Variants in CDC34 observed in about 807,000 individuals in gnomAD.
CDC34 encodes cell division cycle 34, ubiquitin conjugating enzyme.
Under a neutral mutation model 26.8 loss-of-function variants are expected in CDC34, and 18 were observed. That is an observed-to-expected ratio of 0.67 (90% CI 0.47 to 1.00). The LOEUF is 1.00. Ranked by LOEUF, CDC34 falls within the 50% of genes least tolerant of loss-of-function variation. CDC34 has a pLI of 0.00. For missense variants in CDC34, 280 were observed against 334.5 expected (o/e 0.84, Z 1.27); for synonymous variants, 178 against 147.5 (o/e 1.21, Z -1.50).
At chr19:533,552 C>T (rs12979110) in intron 1 of CDC34, among the ~76,000 whole-genome samples, 1 of 152,062 alleles carries the variant, frequency 6.6e-6, no homozygotes, top group African/African-American at 2.4e-5. Flanking sequence ...CCTCCGCCAG[C>T]CCCTTCTGTC....
In CDC34 at chr19:541,721, A is replaced by G; in HGVS notation, c.*169A>G. 2.9e-6 allele frequency: 2 copies of G among 692,000 alleles called. No individual in the cohort carries two copies. Among genetic ancestry groups the G allele is most frequent in the South Asian group, 5.6e-5 (2 of 35,622 alleles). 42.9% of individuals were successfully genotyped at this position (692,000 alleles called of 1,614,324 possible). On this transcript the variant is annotated 3_prime_UTR_variant, in exon 5 of 5. Coordinates refer to ENST00000215574, the MANE Select transcript of CDC34 (RefSeq NM_004359.2). The stretch of plus-strand genomic sequence containing the variant: ...TGTTCTGGGTTTTCACGTGCTTCAG[A>G]GAAGAGGGGCTGCCCCACCGCCACT...
At chr19:538,247 C>T (rs1236232678) in intron 4 of CDC34, among the ~76,000 whole-genome samples, 1 of 152,232 alleles carries the variant, frequency 6.6e-6, no homozygotes, top group African/African-American at 2.4e-5. Context: ...TCCCTGCAGG[C>T]TCTTGGCCTG....
intron 1 of CDC34, among the ~76,000 whole-genome samples, chr19:533,707 C>T (rs867740597): frequency 1.3e-5 from 2 of 152,348 alleles, no homozygotes; most frequent in Middle Eastern, 6.8e-3. Flanking sequence ...GGCAGAGCTT[C>T]CTGGGCCAGC....
At chr19:540,010 A>AG (rs1979939991) in intron 4 of CDC34, among the ~76,000 whole-genome samples, 1 of 78,164 alleles carries the variant, frequency 1.3e-5, no homozygotes, top group South Asian at 5.4e-4. Context: ...CCAGGCCCCC[A>AG]GGTTTAGAAT....
At chr19:537,418 T>A (rs1411688811) in intron 4 of CDC34, among the ~76,000 whole-genome samples, 1 of 152,116 alleles carries the variant, frequency 6.6e-6, no homozygotes, top group Non-Finnish European at 1.5e-5. Context: ...AGTGGCGCGA[T>A]CTCGGCTCAC....
rs999593335 is a variant in CDC34 at position 532,909 on chromosome 19, G to C, written c.177+801G>C. On this transcript the variant is annotated intron_variant, in intron 1 of 4. Transcript: ENST00000215574. ...AGCTCCGGGCTCGCTCATCCCAGCT[G>C]GTCTTGGCCTTTCTCAGAGTCCACT... Among the ~76,000 whole-genome samples, 8 of 152,334 alleles carry C rather than the reference G, an allele frequency of 5.3e-5. 1 individual carries two copies. The South Asian group carries it at 1.7e-3, about 32-fold the overall frequency.
chr19:537,136 A>G lies in CDC34; in HGVS notation c.486A>G (p.Thr162=). The G allele has an allele frequency of 1.9e-6, 3 of 1,613,426 alleles. No individual in the cohort carries two copies. The highest frequency in any genetic ancestry group is 2.2e-5 in the South Asian group (2 of 91,084). The change falls in exon 4 of 5, where the codon ACA becomes ACG. Residue 162 remains threonine, a synonymous_variant. Transcript: ENST00000215574. ...KESKGKDREY[T]DIIRKQVLGT... Reference sequence around the variant, plus strand: ...GCAAGGGGAAGGATCGGGAGTACACAGACATCATCCGGTGAGGGCGGGCGG... The same window carrying G: ...GCAAGGGGAAGGATCGGGAGTACACGGACATCATCCGGTGAGGGCGGGCGG...
chr19:540,022 C>T (rs1472169163), intron 4 of CDC34, among the ~76,000 whole-genome samples: 2 of 146,302 alleles, frequency 1.4e-5, no homozygotes, highest in Non-Finnish European at 3.0e-5. Flanking sequence ...GTTTAGAATC[C>T]GGAGGCCGGG....
intron 4 of CDC34, 63 bp from the exon 5 acceptor site, chr19:541,276 G>A (rs754515437): frequency 1.4e-6 from 2 of 1,462,522 alleles, no homozygotes; most frequent in East Asian, 2.5e-5. Context: ...CTGGGGGAGG[G>A]GGGCCGGGCA....
chr19:541,507 C>T lies in CDC34; in HGVS notation c.666C>T (p.Ser222=), dbSNP rs1302173677. ...GCGAGGTGGAGGAGGAGGCCGACAG[C>T]TGCTTCGGGGACGATGAGGATGACT... ...EDGEVEEEAD[S]CFGDDEDDSG... is the part of the protein sequence containing the mutation. Residue 222 remains serine (S), a synonymous_variant, in exon 5 of 5, where the codon AGC becomes AGT. Coordinates refer to ENST00000215574, the MANE Select transcript of CDC34 (RefSeq NM_004359.2). 2.5e-6 allele frequency: 4 copies of T among 1,608,722 alleles called. No individual in the cohort carries two copies. In the African/African-American group the frequency reaches 4.0e-5, roughly 16 times the overall value.
At position 536,391 on chromosome 19, in the gene CDC34, CT is replaced by C; in HGVS notation, c.362+52del. On this transcript the variant is annotated intron_variant, in intron 3 of 4. Coordinates refer to ENST00000215574, the MANE Select transcript of CDC34 (RefSeq NM_004359.2). ...CACCCAGAACATCAGGTAGGCCGGG[CT>C]CCGTCCCGTATCCACCCAGACCATC... 3 of 1,389,410 alleles carry C rather than the reference CT, an allele frequency of 2.2e-6. No individual in the cohort carries two copies. The South Asian group carries it at 3.7e-5, about 17-fold the overall frequency. 86.1% of individuals were successfully genotyped at this position (1,389,410 alleles called of 1,614,324 possible).
Position 532,256 on chromosome 19 carries a change from T to C in CDC34, c.177+148T>C, listed in dbSNP as rs558603779. 7.7e-4 allele frequency: 423 copies of C among 549,356 alleles called. 3 individuals are homozygous for C. Among genetic ancestry groups the C allele is most frequent in the Middle Eastern group, 5.2e-3 (11 of 2,110 alleles). 34.0% of individuals were successfully genotyped at this position (549,356 alleles called of 1,614,324 possible). On this transcript the variant is annotated intron_variant, in intron 1 of 4. Coordinates refer to ENST00000215574, the MANE Select transcript of CDC34 (RefSeq NM_004359.2). ...GGCTCGTTTCCCTTCTATGGCCACGTTCCCCCACCCAGCTCTGCCCGGCCC... is the reference window on the plus strand; with the variant it reads ...GGCTCGTTTCCCTTCTATGGCCACGCTCCCCCACCCAGCTCTGCCCGGCCC...
In CDC34 at chr19:535,962, C is replaced by T. The variant is rs372012440; in HGVS notation, c.264+39C>T. ...CCACGGGCCTCAAGTCCTCATCCTC[C>T]GGGACCCAGGGTGCTGGGAGCCTCA... On this transcript the variant is annotated intron_variant, in intron 2 of 4. Transcript: ENST00000215574. The T allele has an allele frequency of 7.4e-5, 116 of 1,574,244 alleles. 1 individual carries two copies. The African/African-American group carries it at 1.2e-3, about 17-fold the overall frequency.
At chr19:533,762 T>C (rs1253022395) in intron 1 of CDC34, among the ~76,000 whole-genome samples, 1 of 152,214 alleles carries the variant, frequency 6.6e-6, no homozygotes, top group Non-Finnish European at 1.5e-5. Flanking sequence ...GGAGGGGGCC[T>C]CTAGACATCT....
At chr19:539,382 G>A (rs1476787762) in intron 4 of CDC34, among the ~76,000 whole-genome samples, 10 of 148,414 alleles carry the variant, frequency 6.7e-5, no homozygotes, top group Non-Finnish European at 1.0e-4. Context: ...CCTCCCCTGC[G>A]TCTCCCCACT....
At chr19:538,235 C>T (rs1033212965) in intron 4 of CDC34, among the ~76,000 whole-genome samples, 1 of 152,240 alleles carries the variant, frequency 6.6e-6, no homozygotes, top group African/African-American at 2.4e-5. Context: ...GTCTGGAGTG[C>T]GTCCCTGCAG....
intron 1 of CDC34, among the ~76,000 whole-genome samples, chr19:532,478 C>T (rs370729651): frequency 7.2e-5 from 11 of 152,232 alleles, no homozygotes; most frequent in Admixed American, 4.6e-4. Flanking sequence ...GCTGCCTCCC[C>T]CTCCGCCCCT....
chr19:540,694 C>G (rs113709830), intron 4 of CDC34, among the ~76,000 whole-genome samples: 6 of 107,544 alleles, frequency 5.6e-5, no homozygotes, highest in South Asian at 2.7e-4. Context: ...AGGCCCCCCA[C>G]GTTTAGAATC....
intron 4 of CDC34, 109 bp downstream of exon 4, chr19:537,256 C>T: frequency 1.6e-6 from 2 of 1,272,618 alleles, no homozygotes; most frequent in Non-Finnish European, 2.2e-6. Flanking sequence ...GGTGGCGGAG[C>T]TTCCTGGTGC....
Sources: allele counts gnomAD v4.1 joint callset (sites outside exome capture counted in the v4.1 genomes callset), GRCh38; gene constraint gnomAD v4.1.1; transcripts MANE v1.5; gene names NCBI Gene and HGNC (gene_info 2026-07-23, HGNC 2026-07-21).